Variants in TAF2 observed in about 807,000 individuals in gnomAD.
TAF2 encodes the protein TATA-box binding protein associated factor 2, also known as transcription initiation factor TFIID subunit 2.
Under a neutral mutation model 138.5 loss-of-function variants are expected in TAF2, and 61 were observed. That is an observed-to-expected ratio of 0.44 (90% CI 0.36 to 0.54). TAF2 has a LOEUF of 0.54. Among genes scored for constraint, TAF2 ranks in the 20% least tolerant of loss-of-function variants. The pLI, the probability that TAF2 is intolerant of heterozygous loss-of-function variation, is 0.00. For synonymous variants in TAF2, 475 were observed against 469.9 expected (o/e 1.01, Z -0.14); for missense variants, 1,090 against 1,427.9 (o/e 0.76, Z 3.81).
intron 2 of TAF2, among the ~76,000 whole-genome samples, chr8:119,823,945 G>A (rs1825942027): frequency 6.6e-6 from 1 of 152,190 alleles, no homozygotes; most frequent in African/African-American, 2.4e-5. Context: ...ATAGAGACTG[G>A]CAGCATTTTG....
chr8:119,795,925 A>G (rs900231853), intron 8 of TAF2, among the ~76,000 whole-genome samples: 4 of 151,856 alleles, frequency 2.6e-5, no homozygotes, highest in African/African-American at 9.7e-5. Context: ...CTCCTGCCCA[A>G]CTCTGTTCTT....
intron 20 of TAF2, among the ~76,000 whole-genome samples, chr8:119,759,540 C>T (rs1820920333): frequency 6.6e-6 from 1 of 152,024 alleles, no homozygotes; most frequent in Non-Finnish European, 1.5e-5. Context: ...GATTATATTT[C>T]CATGTTTCTT....
chr8:119,736,897 T>A (rs1819257608), intron 25 of TAF2, among the ~76,000 whole-genome samples: 1 of 152,236 alleles, frequency 6.6e-6, no homozygotes, highest in Middle Eastern at 3.4e-3. Flanking sequence ...ATCATGGGTA[T>A]AAAATTAATA....
intron 3 of TAF2, among the ~76,000 whole-genome samples, chr8:119,814,086 G>T (rs893912580): frequency 5.3e-5 from 8 of 152,100 alleles, no homozygotes; most frequent in Non-Finnish European, 1.2e-4. Flanking sequence ...TTACACCACT[G>T]CATTCCAGCC....
Position 119,806,420 on chromosome 8 carries a change from C to T in TAF2, c.300-19G>A, listed in dbSNP as rs1824650343. On this transcript the variant is annotated intron_variant, in intron 3 of 25. Transcript: ENST00000378164. ...GTTTCTCCTGGGGAAAAAAAAGAGC[C>T]AACTTTTAATAATAAGCCATGTATC... The T allele has an allele frequency of 6.4e-7, 1 of 1,568,714 alleles. No homozygotes were observed. The highest frequency in any genetic ancestry group is 8.8e-7 in the Non-Finnish European group (1 of 1,139,926).
chr8:119,811,800 C>T (rs1324557922), intron 3 of TAF2, among the ~76,000 whole-genome samples: 5 of 119,954 alleles, frequency 4.2e-5, no homozygotes, highest in South Asian at 2.7e-4. Context: ...AGTGAGACTC[C>T]GTCTCAAAAA....
chr8:119,735,546 C>T (rs1456809826), intron 25 of TAF2, among the ~76,000 whole-genome samples: 1 of 152,112 alleles, frequency 6.6e-6, no homozygotes, highest in African/African-American at 2.4e-5. Context: ...TTTCTGTGCT[C>T]ACTTATTATT....
At position 119,802,045 on chromosome 8, in the gene TAF2, T is replaced by C; in HGVS notation, c.561-20A>G. The C allele has an allele frequency of 1.9e-6, 3 of 1,581,478 alleles. No homozygotes were observed. Among genetic ancestry groups the C allele is most frequent in the Non-Finnish European group, 2.6e-6 (3 of 1,153,646 alleles). ...CAAAATCTAGAAAAAAGATTGACAG[T>C]ATAGAAAATGTATTCAAAGAGTTCT... On this transcript the variant is annotated intron_variant, in intron 5 of 25. Transcript: ENST00000378164.
At chr8:119,821,948 C>T (rs1369062114) in intron 2 of TAF2, among the ~76,000 whole-genome samples, 2 of 152,030 alleles carry the variant, frequency 1.3e-5, no homozygotes, top group Admixed American at 6.6e-5. Flanking sequence ...GGAATGATTG[C>T]TTGAGCCTGG....
chr8:119,735,961 T>C (rs1318580853), intron 25 of TAF2, among the ~76,000 whole-genome samples: 1 of 152,204 alleles, frequency 6.6e-6, no homozygotes, highest in African/African-American at 2.4e-5. Flanking sequence ...ACTTTGCAGC[T>C]TTCTTGTTGG....
chr8:119,801,531 C>A (rs147022730), intron 6 of TAF2, among the ~76,000 whole-genome samples: 5 of 151,680 alleles, frequency 3.3e-5, no homozygotes, highest in Middle Eastern at 3.4e-3. Flanking sequence ...TGGGTTCAAG[C>A]CATTCTCCTG....
In TAF2 at chr8:119,783,480, T is replaced by C; in HGVS notation, c.2013A>G (p.Lys671=). The part of the protein sequence containing the change: ...AQQESILALE[K]FPTPASRLAL... ...CAAGCCGAGATGCTGGAGTAGGGAA[T>C]TTTTCCAAAGCCAAAATGGATTCCT... is the stretch of plus-strand genomic sequence containing the variant. The change falls in exon 16 of 26, where the codon AAA becomes AAG. Residue 671 remains lysine, a synonymous_variant. Coordinates refer to ENST00000378164, the MANE Select transcript of TAF2 (RefSeq NM_003184.4). 6.2e-7 allele frequency: 1 copy of C among 1,614,104 alleles called. No homozygotes were observed. Among genetic ancestry groups the C allele is most frequent in the South Asian group, 1.1e-5 (1 of 91,076 alleles).
intron 18 of TAF2, among the ~76,000 whole-genome samples, chr8:119,768,992 AT>A (rs945259068): frequency 4.6e-5 from 7 of 152,024 alleles, no homozygotes; most frequent in Non-Finnish European, 1.0e-4. Context: ...AAGAGATCAC[AT>A]TTCTGCCTGT....
chr8:119,820,676 T>C (rs1020128700), intron 2 of TAF2, among the ~76,000 whole-genome samples: 3 of 152,154 alleles, frequency 2.0e-5, no homozygotes, highest in Admixed American at 6.5e-5. Context: ...TTTTAAATGA[T>C]ATGCAAGAAT....
At chr8:119,826,424 T>C (rs1826103978) in intron 2 of TAF2, among the ~76,000 whole-genome samples, 1 of 152,276 alleles carries the variant, frequency 6.6e-6, no homozygotes. Flanking sequence ...GAGTTCTCCA[T>C]TAAACCACTG....
intron 15 of TAF2, 101 bp downstream of exon 15, chr8:119,785,100 T>C: frequency 1.1e-6 from 1 of 872,642 alleles, no homozygotes. Context: ...GTTAAAGCAC[T>C]CATTTGGAGG....
intron 25 of TAF2, among the ~76,000 whole-genome samples, chr8:119,740,675 A>AAAAAG (rs913542261): frequency 2.3e-5 from 2 of 86,346 alleles, no homozygotes; most frequent in East Asian, 2.3e-4. Context: ...AAAAAAAAAA[A>AAAAAG]AAAAGAAAAG....
chr8:119,830,812 A>G (rs1170364307), intron 2 of TAF2, among the ~76,000 whole-genome samples: 1 of 152,232 alleles, frequency 6.6e-6, no homozygotes, highest in African/African-American at 2.4e-5. Context: ...TTAAATAAAT[A>G]CTTGAGTTTT....
intron 18 of TAF2, among the ~76,000 whole-genome samples, chr8:119,777,427 T>C (rs1822331156): frequency 6.6e-6 from 1 of 152,170 alleles, no homozygotes; most frequent in African/African-American, 2.4e-5. Flanking sequence ...TAAAGTTCAT[T>C]AAGACATCAA....
Sources: allele counts gnomAD v4.1 joint callset (sites outside exome capture counted in the v4.1 genomes callset), GRCh38; gene constraint gnomAD v4.1.1; transcripts MANE v1.5; gene names NCBI Gene and HGNC (gene_info 2026-07-23, HGNC 2026-07-21).